Variants in DLGAP1 observed in about 807,000 individuals in gnomAD.
DLGAP1 encodes the protein DLG associated protein 1.
DLGAP1 carries 11 observed loss-of-function variants against 90.8 expected under a neutral mutation model. That is an observed-to-expected ratio of 0.12 (90% CI 0.08 to 0.20). The LOEUF (loss-of-function observed/expected upper bound fraction) is 0.20. Among genes scored for constraint, DLGAP1 ranks in the 10% least tolerant of loss-of-function variants. The pLI is 1.00. For synonymous variants in DLGAP1, 558 were observed against 540.7 expected (o/e 1.03, Z -0.44); for missense variants, 1,050 against 1,333.8 (o/e 0.79, Z 3.31).
At chr18:3,679,179 T>C (rs978742243) in intron 7 of DLGAP1, among the ~76,000 whole-genome samples, 1 of 151,270 alleles carries the variant, frequency 6.6e-6, no homozygotes, top group African/African-American at 2.4e-5. Context: ...AAATATTGGT[T>C]TCTCATTTTC....
intron 3 of DLGAP1, among the ~76,000 whole-genome samples, chr18:3,949,379 C>G (rs904996302): frequency 4.6e-5 from 7 of 152,192 alleles, no homozygotes; most frequent in Admixed American, 6.5e-5. Flanking sequence ...AGCTCCGGAC[C>G]TGGGGCTTCA....
chr18:3,648,302 G>T (rs2059188741), intron 7 of DLGAP1, among the ~76,000 whole-genome samples: 2 of 152,314 alleles, frequency 1.3e-5, no homozygotes, highest in South Asian at 4.1e-4. Flanking sequence ...TCAACTTAAA[G>T]CATCAATGGA....
At chr18:4,375,056 A>G (rs2081988243) in intron 1 of DLGAP1, among the ~76,000 whole-genome samples, 1 of 152,130 alleles carries the variant, frequency 6.6e-6, no homozygotes, top group Admixed American at 6.5e-5. Context: ...AATAAATTTG[A>G]CTCACATAAT....
rs369001727 is a variant in DLGAP1 at position 4,203,573 on chromosome 18, T to C, written c.-266-52286A>G. Among the ~76,000 whole-genome samples the C allele has an allele frequency of 2.6e-5, 4 of 152,160 alleles. No homozygotes were observed. In the East Asian group the frequency reaches 7.7e-4, roughly 29 times the overall value. ...TAAGGTATCTTAAAACGTAGGGGCA[T>C]TTAAGCTTTTAGATCTCATAAAACT... On this transcript the variant is annotated intron_variant, in intron 1 of 12. Transcript: ENST00000315677.
intron 1 of DLGAP1, among the ~76,000 whole-genome samples, chr18:4,203,108 T>C (rs995488036): frequency 6.6e-6 from 1 of 151,982 alleles, no homozygotes; most frequent in African/African-American, 2.4e-5. Context: ...AACCTGTCTC[T>C]ACTAAAAATA....
rs200638614 is a variant in DLGAP1 at position 3,538,387 on chromosome 18, A to G, written c.2058-3772T>C. Among the ~76,000 whole-genome samples, 2 of 150,088 alleles carry G rather than the reference A, an allele frequency of 1.3e-5. 1 individual carries two copies. The highest frequency in any genetic ancestry group is 4.2e-4 in the South Asian group (2 of 4,812). On this transcript the variant is annotated intron_variant, in intron 9 of 12. Transcript: ENST00000315677. ...CTCTCAAATGAGCCAAAAAAAAAAA[A>G]GAAAGAAAAAGAAAAAAAAAATCAC...
At chr18:4,106,293 G>C (rs547659218) in intron 2 of DLGAP1, among the ~76,000 whole-genome samples, 2 of 152,132 alleles carry the variant, frequency 1.3e-5, no homozygotes, top group Admixed American at 1.3e-4. Context: ...AGACCTCCAA[G>C]GGAAACTTCT....
intron 5 of DLGAP1, among the ~76,000 whole-genome samples, chr18:3,747,027 C>T (rs907897135): frequency 1.3e-5 from 2 of 152,066 alleles, no homozygotes; most frequent in Admixed American, 1.3e-4. Context: ...AATATAACAT[C>T]GAAAGTAAAT....
chr18:4,045,301 G>C (rs1306395906), intron 2 of DLGAP1, among the ~76,000 whole-genome samples: 1 of 151,760 alleles, frequency 6.6e-6, no homozygotes, highest in Non-Finnish European at 1.5e-5. Flanking sequence ...AAAGGAAAAA[G>C]GAACTGATAA....
chr18:3,519,952 A>G (rs1024215817), intron 10 of DLGAP1, among the ~76,000 whole-genome samples: 1 of 152,172 alleles, frequency 6.6e-6, no homozygotes, highest in East Asian at 1.9e-4. Context: ...CCTAGATGAC[A>G]GGTTGATAGG....
intron 7 of DLGAP1, among the ~76,000 whole-genome samples, chr18:3,624,680 T>A (rs1163666022): frequency 6.6e-6 from 1 of 152,072 alleles, no homozygotes; most frequent in Non-Finnish European, 1.5e-5. Context: ...ATTCAAGAAA[T>A]CCCCAAAAGT....
At chr18:4,241,972 T>C (rs1193002239) in intron 1 of DLGAP1, among the ~76,000 whole-genome samples, 1 of 152,170 alleles carries the variant, frequency 6.6e-6, no homozygotes, top group Non-Finnish European at 1.5e-5. Flanking sequence ...AAAGGGTAAA[T>C]CAAGCTATCC....
chr18:4,449,981 C>T (rs1311941902), intron 1 of DLGAP1, among the ~76,000 whole-genome samples: 6 of 152,150 alleles, frequency 3.9e-5, no homozygotes, highest in Non-Finnish European at 8.8e-5. Context: ...GCTGACCCTC[C>T]CAAACTCTAA....
intron 3 of DLGAP1, among the ~76,000 whole-genome samples, chr18:3,913,135 G>A (rs2072071146): frequency 6.6e-6 from 1 of 152,152 alleles, no homozygotes; most frequent in African/African-American, 2.4e-5. Flanking sequence ...TTTTGAGACA[G>A]GGTCTCACTC....
chr18:3,720,897 A>AAAAAAAAAG (rs2061955802), intron 7 of DLGAP1, among the ~76,000 whole-genome samples: 1 of 135,746 alleles, frequency 7.4e-6, no homozygotes, highest in South Asian at 2.6e-4. Flanking sequence ...ACAAAAAAAA[A>AAAAAAAAAG]AAAAAAAAAA....
At chr18:3,567,059 T>TTCA (rs71366685) in intron 9 of DLGAP1, among the ~76,000 whole-genome samples, 4 of 113,890 alleles carry the variant, frequency 3.5e-5, no homozygotes, top group African/African-American at 1.2e-4. Context: ...CATTCATTCA[T>TTCA]TCATTCATTC....
intron 5 of DLGAP1, among the ~76,000 whole-genome samples, chr18:3,748,423 T>C (rs1270333266): frequency 2.0e-5 from 3 of 152,232 alleles, no homozygotes; most frequent in African/African-American, 7.2e-5. Context: ...GGATGCTTTT[T>C]CCCCCAAAGA....
intron 2 of DLGAP1, among the ~76,000 whole-genome samples, chr18:4,124,697 AG>A (rs2076205855): frequency 6.6e-6 from 1 of 152,240 alleles, no homozygotes; most frequent in African/African-American, 2.4e-5. Context: ...GAGGAATAAA[AG>A]TATTGACTCA....
chr18:4,381,119 G>T (rs76004490), intron 1 of DLGAP1, among the ~76,000 whole-genome samples: 2,896 of 152,210 alleles, frequency 0.019, 62 homozygotes, highest in African/African-American at 0.05. Flanking sequence ...ATTCAAAATG[G>T]TTGAAATAGA....
Sources: gnomAD v4.1 joint callset for allele counts (sites outside exome capture counted in the v4.1 genomes callset) on GRCh38, gnomAD v4.1.1 for gene constraint, MANE v1.5 for transcripts, NCBI Gene and HGNC (gene_info 2026-07-23, HGNC 2026-07-21) for gene names.